Variants in ANKRD31 observed in about 807,000 individuals in gnomAD.
The protein encoded by ANKRD31 is ankyrin repeat domain 31, also known as ankyrin repeat domain-containing protein 31.
In ANKRD31, 147 loss-of-function variants were observed where a neutral mutation model predicts 186.0. The ratio of observed to expected loss-of-function variants is 0.79; its 90% CI spans 0.69 to 0.91. ANKRD31 has a LOEUF of 0.91. Among genes scored for constraint, ANKRD31 ranks in the 40% least tolerant of loss-of-function variants. ANKRD31 has a pLI of 0.00. For synonymous variants in ANKRD31, 673 were observed against 736.4 expected (o/e 0.91, Z 1.39); for missense variants, 1,986 against 2,148.8 (o/e 0.92, Z 1.50).
At chr5:75,196,986 T>C (rs899097) in intron 6 of ANKRD31, among the ~76,000 whole-genome samples, 77,096 of 151,792 alleles carry the variant, frequency 0.51, 22,630 homozygotes, top group African/African-American at 0.82. Context: ...CTGCAACCTC[T>C]GCCTCCAGGA....
chr5:75,150,010 G>T (rs186643437), intron 12 of ANKRD31, among the ~76,000 whole-genome samples: 2 of 151,860 alleles, frequency 1.3e-5, no homozygotes, highest in East Asian at 1.9e-4. Flanking sequence ...TTCTGAGGTG[G>T]TGATATTTAG....
chr5:75,188,933 T>C (rs923752556), intron 9 of ANKRD31, among the ~76,000 whole-genome samples: 3 of 152,132 alleles, frequency 2.0e-5, no homozygotes, highest in Non-Finnish European at 2.9e-5. Context: ...TGAAAACCCA[T>C]GAAAGGTGCA....
chr5:75,070,753 C>T (rs529795773), intron 25 of ANKRD31, among the ~76,000 whole-genome samples: 1 of 152,190 alleles, frequency 6.6e-6, no homozygotes, highest in South Asian at 2.1e-4. Flanking sequence ...CTTTCATATA[C>T]TTAGCATCCA....
intron 3 of ANKRD31, 22 bp from the exon 4 acceptor site, chr5:75,210,887 T>C: frequency 6.7e-7 from 1 of 1,491,418 alleles, no homozygotes; most frequent in African/African-American, 1.4e-5. Context: ...AAAAAAAGTT[T>C]TTTCCAACTG....
At chr5:75,131,599 C>G (rs933141837) in intron 17 of ANKRD31, among the ~76,000 whole-genome samples, 2 of 152,194 alleles carry the variant, frequency 1.3e-5, no homozygotes, top group African/African-American at 2.4e-5. Context: ...CATAGCTGAA[C>G]AAACAATGGC....
At chr5:75,178,126 A>G (rs1343205497) in intron 10 of ANKRD31, among the ~76,000 whole-genome samples, 1 of 152,198 alleles carries the variant, frequency 6.6e-6, no homozygotes, top group East Asian at 1.9e-4. Context: ...AAAGATCAAA[A>G]GAGACAAAGA....
At chr5:75,211,127 A>G (rs1331987011) in intron 3 of ANKRD31, among the ~76,000 whole-genome samples, 1 of 151,414 alleles carries the variant, frequency 6.6e-6, no homozygotes, top group Non-Finnish European at 1.5e-5. Context: ...CCAAAGTGAA[A>G]CTCCATGCTC....
At chr5:75,090,362 G>A (rs182064058) in intron 23 of ANKRD31, among the ~76,000 whole-genome samples, 5 of 152,292 alleles carry the variant, frequency 3.3e-5, no homozygotes, top group Admixed American at 6.5e-5. Context: ...ACTTGCCAAC[G>A]AGGTCTAGGA....
chr5:75,166,865 T>C (rs1752960312), intron 11 of ANKRD31, among the ~76,000 whole-genome samples: 1 of 152,230 alleles, frequency 6.6e-6, no homozygotes, highest in South Asian at 2.1e-4. Context: ...TGATCATTTG[T>C]AATTCTCAAA....
intron 17 of ANKRD31, among the ~76,000 whole-genome samples, chr5:75,133,752 C>G (rs71605984): frequency 6.6e-6 from 1 of 152,048 alleles, no homozygotes; most frequent in Non-Finnish European, 1.5e-5. Flanking sequence ...CAAAATTGAC[C>G]ACATAGTTGG....
At chr5:75,232,290 C>T (rs1003271975) in intron 1 of ANKRD31, among the ~76,000 whole-genome samples, 3 of 152,038 alleles carry the variant, frequency 2.0e-5, no homozygotes. Flanking sequence ...TTTTCAGACA[C>T]AGTCACTCTG....
At chr5:75,084,088 G>A (rs1163456165) in intron 24 of ANKRD31, among the ~76,000 whole-genome samples, 184 bp downstream of exon 24, 1 of 152,126 alleles carries the variant, frequency 6.6e-6, no homozygotes, top group African/African-American at 2.4e-5. Flanking sequence ...TTATATAGAG[G>A]TGGGTGGTTG....
intron 7 of ANKRD31, 63 bp from the exon 8 acceptor site, chr5:75,193,654 A>C: frequency 7.0e-7 from 1 of 1,438,512 alleles, no homozygotes; most frequent in Non-Finnish European, 9.2e-7. Context: ...AAACTATAAG[A>C]AGTTAAATTT....
rs553321705 is a variant in ANKRD31, at chr5:75,178,127, G to C, written c.1565-9006C>G. 6.9e-4 allele frequency among the ~76,000 whole-genome samples: 105 copies of C among 152,244 alleles called. 1 individual carries two copies. The highest frequency in any genetic ancestry group is 2.4e-3 in the African/African-American group (99 of 41,546). ...GACTTTAAACCAACAAAGATCAAAA[G>C]AGACAAAGAAGGCCATTACATCATG... On this transcript the variant is annotated intron_variant, in intron 10 of 25. Coordinates refer to ENST00000506364, the MANE Select transcript of ANKRD31 (RefSeq NM_001372053.1).
chr5:75,136,935 G>T (rs1316960925), intron 17 of ANKRD31, among the ~76,000 whole-genome samples: 1 of 151,776 alleles, frequency 6.6e-6, no homozygotes, highest in East Asian at 1.9e-4. Context: ...AACACCACAT[G>T]TTCTCACTCT....
chr5:75,193,279 C>A (rs1397306488), intron 8 of ANKRD31, 32 bp downstream of exon 8: 4 of 1,526,518 alleles, frequency 2.6e-6, no homozygotes, highest in African/African-American at 1.4e-5. Context: ...CTATAGCATA[C>A]CTGGAGATAA....
chr5:75,077,931 C>CAAAAAA (rs56910458), intron 25 of ANKRD31, among the ~76,000 whole-genome samples: 21 of 66,672 alleles, frequency 3.1e-4, no homozygotes, highest in Non-Finnish European at 4.2e-4. Context: ...GACTCCGTCT[C>CAAAAAA]AAAAAAAAAA....
chr5:75,080,683 G>A (rs1377341427), intron 24 of ANKRD31, 44 bp from the exon 25 acceptor site: 1 of 1,337,260 alleles, frequency 7.5e-7, no homozygotes, highest in Non-Finnish European at 1.0e-6. Flanking sequence ...GCTGAATTAG[G>A]GGACTGCTCT....
chr5:75,192,868 T>C (rs2150244792), intron 8 of ANKRD31, 92 bp from the exon 9 acceptor site: 1 of 996,824 alleles, frequency 1.0e-6, no homozygotes, highest in Non-Finnish European at 1.5e-6. Flanking sequence ...ATATTAAAAC[T>C]CCAGGGTATT....
Sources: allele counts gnomAD v4.1 joint callset (sites outside exome capture counted in the v4.1 genomes callset), GRCh38; gene constraint gnomAD v4.1.1; transcripts MANE v1.5; gene names NCBI Gene and HGNC (gene_info 2026-07-23, HGNC 2026-07-21).